KIF3C: variants seen among roughly 807,000 people sequenced by gnomAD.
KIF3C encodes kinesin family member 3C.
In KIF3C, 12 loss-of-function variants were observed where a neutral mutation model predicts 67.7. The observed-to-expected ratio is 0.18, with a 90% CI of 0.11 to 0.29. The LOEUF (loss-of-function observed/expected upper bound fraction) is 0.29, where lower values mean the gene tolerates loss of function less well. KIF3C is among the 10% of genes least tolerant of loss of function. KIF3C has a pLI of 1.00. For synonymous variants in KIF3C, 393 were observed against 426.2 expected (o/e 0.92, Z 0.96); for missense variants, 789 against 1,059.6 (o/e 0.74, Z 3.55).
At chr2:25,944,194 T>C (rs2149227392) in intron 5 of KIF3C, among the ~76,000 whole-genome samples, 1 of 152,174 alleles carries the variant, frequency 6.6e-6, no homozygotes, top group South Asian at 2.1e-4. Flanking sequence ...ATTACAGGTG[T>C]GATCCACCGT....
intron 6 of KIF3C, among the ~76,000 whole-genome samples, 186 bp downstream of exon 6, chr2:25,929,769 C>T (rs773568735): frequency 8.1e-5 from 12 of 148,598 alleles, no homozygotes; most frequent in Non-Finnish European, 1.5e-4. Context: ...GCACCCATCA[C>T]CACGCCTGGC....
chr2:25,954,280 C>T lies in KIF3C; in HGVS notation c.1876G>A (p.Glu626Lys), dbSNP rs1177720545. 3.7e-6 allele frequency: 6 copies of T among 1,613,664 alleles called. No individual in the cohort carries two copies. Among genetic ancestry groups the T allele is most frequent in the Non-Finnish European group, 5.1e-6 (6 of 1,179,730 alleles). Residue 626 changes from glutamate (E) to lysine (K), a missense_variant, in exon 4 of 8, where the codon GAA (glutamate) becomes AAA (lysine). Coordinates refer to ENST00000264712, the MANE Select transcript of KIF3C (RefSeq NM_002254.8). ...TGCGGGCCCTACTTGAGCTTGAGTT[C>T]GCGGGTCTGCTCGTTCTGCGCCTCC... ...LEEAQNEQTR[E>K]LKLKYLIIEN...
chr2:25,943,703 T>C (rs1346466865), intron 5 of KIF3C, among the ~76,000 whole-genome samples: 1 of 151,976 alleles, frequency 6.6e-6, no homozygotes, highest in Non-Finnish European at 1.5e-5. Flanking sequence ...CCGTCTCTAC[T>C]AAAATTACAA....
intron 5 of KIF3C, chr2:25,951,415 C>T: frequency 4.1e-6 from 1 of 241,730 alleles, no homozygotes; most frequent in Non-Finnish European, 8.2e-6. Context: ...CACACAGTAG[C>T]GCTTGGCAAA....
At chr2:25,936,383 G>A (rs902369451) in intron 5 of KIF3C, among the ~76,000 whole-genome samples, 51 of 152,036 alleles carry the variant, frequency 3.4e-4, no homozygotes, top group African/African-American at 1.2e-3. Flanking sequence ...TTAGGAAAAA[G>A]TCTAGATATT....
At chr2:25,966,764 C>T (rs189652460) in intron 1 of KIF3C, among the ~76,000 whole-genome samples, 2 of 152,338 alleles carry the variant, frequency 1.3e-5, no homozygotes, top group East Asian at 3.9e-4. Flanking sequence ...CCTGCCACTG[C>T]CACCTATCTG....
At chr2:25,967,280 G>A (rs1213547297) in intron 1 of KIF3C, among the ~76,000 whole-genome samples, 1 of 152,114 alleles carries the variant, frequency 6.6e-6, no homozygotes, top group Non-Finnish European at 1.5e-5. Flanking sequence ...GATCCCTAGA[G>A]TCCCAGAGAG....
At chr2:25,975,343 G>A (rs1013719047) in intron 1 of KIF3C, among the ~76,000 whole-genome samples, 2 of 151,876 alleles carry the variant, frequency 1.3e-5, no homozygotes, top group African/African-American at 4.8e-5. Flanking sequence ...TGTATTTTTT[G>A]TCAAGACAGG....
At chr2:25,979,546 C>T (rs1047227942) in intron 1 of KIF3C, among the ~76,000 whole-genome samples, 1 of 152,158 alleles carries the variant, frequency 6.6e-6, no homozygotes, top group African/African-American at 2.4e-5. Context: ...CACAAGGCCA[C>T]TCAATGAGCT....
chr2:25,968,705 C>T (rs927240919), intron 1 of KIF3C, among the ~76,000 whole-genome samples: 1 of 152,194 alleles, frequency 6.6e-6, no homozygotes, highest in Non-Finnish European at 1.5e-5. Context: ...TCTAGGCTCC[C>T]AGTCAAGGCT....
intron 5 of KIF3C, among the ~76,000 whole-genome samples, chr2:25,931,064 CACA>C (rs2090455033): frequency 6.6e-6 from 1 of 152,052 alleles, no homozygotes; most frequent in Non-Finnish European, 1.5e-5. Flanking sequence ...GCTATGTACC[CACA>C]ACAATTTAAA....
chr2:25,936,665 G>A (rs1262832598), intron 5 of KIF3C, among the ~76,000 whole-genome samples: 2 of 152,022 alleles, frequency 1.3e-5, no homozygotes, highest in Non-Finnish European at 2.9e-5. Flanking sequence ...TGGAAGTGTT[G>A]CATTGCAGGG....
chr2:25,931,282 C>A (rs2090456727), intron 5 of KIF3C, among the ~76,000 whole-genome samples: 1 of 151,746 alleles, frequency 6.6e-6, no homozygotes, highest in African/African-American at 2.4e-5. Context: ...CATGAAGACA[C>A]CCTATCTCTA....
At position 25,927,590 on chromosome 2, in the gene KIF3C, C is replaced by A. The variant is rs1463569634; in HGVS notation, c.*1388G>T. 1 of 151,994 alleles carries A rather than the reference C, an allele frequency of 6.6e-6. No individual in the cohort carries two copies. Among genetic ancestry groups the A allele is most frequent in the African/African-American group, 2.4e-5 (1 of 41,362 alleles). The allele number at this position is 151,994 out of a possible 1,614,324, so 9.4% of individuals were successfully genotyped here. ...TAACCCCCGCCACCACCTCCCACAC[C>A]CCCCATTTCAGGCAGATCTGTCAGT... On this transcript the variant is annotated 3_prime_UTR_variant, in exon 8 of 8. Transcript: ENST00000264712.
chr2:25,963,020 A>AATATATAATATATAAT (rs1559555515), intron 1 of KIF3C, among the ~76,000 whole-genome samples: 7 of 31,524 alleles, frequency 2.2e-4, no homozygotes, highest in Admixed American at 7.5e-4. Context: ...TAATATATAT[A>AATATATAATATATAAT]ATATATAATA....
intron 5 of KIF3C, among the ~76,000 whole-genome samples, chr2:25,934,514 G>A (rs1372570855): frequency 9.2e-5 from 14 of 152,020 alleles, no homozygotes; most frequent in Middle Eastern, 3.4e-3. Context: ...GGGAGGCAGA[G>A]GTTGCAGTGA....
chr2:25,956,239 T>C (rs1197602849), intron 2 of KIF3C, 104 bp downstream of exon 2: 1 of 847,826 alleles, frequency 1.2e-6, no homozygotes, highest in Non-Finnish European at 1.9e-6. Flanking sequence ...CTCAGCACTG[T>C]AATTCCAGAG....
intron 1 of KIF3C, among the ~76,000 whole-genome samples, chr2:25,959,549 C>T (rs1429797691): frequency 1.3e-5 from 2 of 152,058 alleles, no homozygotes; most frequent in South Asian, 2.1e-4. Flanking sequence ...AAGCGATTCT[C>T]CTGCCTCAGC....
chr2:25,931,315 G>A (rs2090456952), intron 5 of KIF3C, among the ~76,000 whole-genome samples: 1 of 151,890 alleles, frequency 6.6e-6, no homozygotes, highest in African/African-American at 2.4e-5. Flanking sequence ...AAAATTAGCT[G>A]GGCATGGTGG....
Sources: allele counts gnomAD v4.1 joint callset (sites outside exome capture counted in the v4.1 genomes callset), GRCh38; gene constraint gnomAD v4.1.1; transcripts MANE v1.5; gene names NCBI Gene and HGNC (gene_info 2026-07-23, HGNC 2026-07-21).